NAA30: variants seen among roughly 807,000 people sequenced by gnomAD.
NAA30 encodes N-alpha-acetyltransferase 30.
In NAA30, 5 loss-of-function variants were observed where a neutral mutation model predicts 31.4. That is an observed-to-expected ratio of 0.16 (90% CI 0.08 to 0.33). The LOEUF (loss-of-function observed/expected upper bound fraction) is 0.33. NAA30 is among the 10% of genes least tolerant of loss of function. NAA30 has a pLI of 1.00. For missense variants in NAA30, 428 were observed against 490.8 expected, an observed-to-expected ratio of 0.87 and a Z score of 1.21; for synonymous variants, 222 against 207.1, an observed-to-expected ratio of 1.07 and a Z score of -0.62.
chr14:57,398,750 C>T (rs572243400), intron 3 of NAA30, among the ~76,000 whole-genome samples: 4 of 152,024 alleles, frequency 2.6e-5, no homozygotes, highest in Non-Finnish European at 4.4e-5. Context: ...TTCCTGCCTC[C>T]GCCTCCCAAG....
At chr14:57,402,892 T>C (rs2066482735) in intron 4 of NAA30, among the ~76,000 whole-genome samples, 1 of 152,180 alleles carries the variant, frequency 6.6e-6, no homozygotes, top group African/African-American at 2.4e-5. Flanking sequence ...TTAATAGAGG[T>C]ACATTTGGCC....
intron 3 of NAA30, 70 bp from the exon 4 acceptor site, chr14:57,399,758 G>A (rs1018506372): frequency 4.2e-5 from 36 of 850,166 alleles, no homozygotes; most frequent in Non-Finnish European, 6.5e-5. Context: ...CTGTGCTTAC[G>A]AATATTATAA....
In NAA30 at chr14:57,415,678, G is replaced by C. The variant is rs766884777; in HGVS notation, c.*6162G>C. On this transcript the variant is annotated 3_prime_UTR_variant, in exon 5 of 5. Transcript: ENST00000556492. ...TTGTGAACTACTCAGAGGACTCAATGCCCTAACATGTAGGGGATTGATCAT... is the reference window on the plus strand; with the variant it reads ...TTGTGAACTACTCAGAGGACTCAATCCCCTAACATGTAGGGGATTGATCAT... 6.6e-6 allele frequency: 1 copy of C among 152,148 alleles called. No homozygotes were observed. The highest frequency in any genetic ancestry group is 6.5e-5 in the Admixed American group (1 of 15,272). 9.4% of individuals were successfully genotyped at this position (152,148 alleles called of 1,614,324 possible).
chr14:57,391,509 G>T lies in NAA30; in HGVS notation c.552G>T (p.Val184=). ...AGGAGGAGGAGGAAGACGAGCAGGT[G>T]CGGCTGCTGTCTTCGTCCCTGACCG... ...EQEEEEEDEQ[V]RLLSSSLTAD... Residue 184 remains valine, a synonymous_variant, in exon 2 of 5, where the codon GTG becomes GTT. Coordinates refer to ENST00000556492, the MANE Select transcript of NAA30 (RefSeq NM_001011713.3). This position sits in a 1 kb window ranked among gnomAD's most constrained non-coding sequence, Gnocchi z 4.1. 1.2e-6 allele frequency: 2 copies of T among 1,612,914 alleles called. No individual in the cohort carries two copies. Among genetic ancestry groups the T allele is most frequent in the South Asian group, 2.2e-5 (2 of 91,070 alleles).
At chr14:57,394,498 T>C (rs969378178) in intron 2 of NAA30, among the ~76,000 whole-genome samples, 2 of 152,124 alleles carry the variant, frequency 1.3e-5, no homozygotes, top group African/African-American at 2.4e-5. Context: ...TTTGGAAAAA[T>C]TGACAAGCAA....
At chr14:57,402,075 C>T (rs1016456567) in intron 4 of NAA30, among the ~76,000 whole-genome samples, 19 of 152,140 alleles carry the variant, frequency 1.2e-4, no homozygotes, top group African/African-American at 4.1e-4. Flanking sequence ...AAAAATTTTG[C>T]TTATCTGTGT....
In NAA30 at chr14:57,397,649, G is replaced by A. The variant is rs186646885; in HGVS notation, c.895+774G>A. On this transcript the variant is annotated intron_variant, in intron 3 of 4. Coordinates refer to ENST00000556492, the MANE Select transcript of NAA30 (RefSeq NM_001011713.3). The stretch of plus-strand genomic sequence containing the variant: ...AAAACTCAATAGGCCACCAGGTGCC[G>A]GGTGCGGTGGCTCACGCCTATAATC... Among the ~76,000 whole-genome samples the A allele has an allele frequency of 3.2e-4, 48 of 152,284 alleles. No individual in the cohort carries two copies. In the East Asian group the frequency reaches 7.5e-3, roughly 24 times the overall value.
intron 4 of NAA30, among the ~76,000 whole-genome samples, chr14:57,408,918 A>G (rs1358433423): frequency 1.3e-5 from 2 of 152,342 alleles, no homozygotes; most frequent in East Asian, 3.9e-4. Context: ...GAGACTCCAG[A>G]CAAATATGGT....
At position 57,410,877 on chromosome 14, in the gene NAA30, A is replaced by G. The variant is rs2066519695; in HGVS notation, c.*1361A>G. 1 of 152,560 alleles carries G rather than the reference A, an allele frequency of 6.6e-6. No individual in the cohort carries two copies. The highest frequency in any genetic ancestry group is 6.6e-5 in the Admixed American group (1 of 15,264). The allele number at this position is 152,560 out of a possible 1,614,324, so 9.5% of individuals were successfully genotyped here. ...ATTTAACTGGAAAACCTAGGTACCCATAAGAAAAAAGATTCATTCTCTGTG... is the reference window on the plus strand; with the variant it reads ...ATTTAACTGGAAAACCTAGGTACCCGTAAGAAAAAAGATTCATTCTCTGTG... On this transcript the variant is annotated 3_prime_UTR_variant, in exon 5 of 5. Transcript: ENST00000556492.
At chr14:57,409,205 C>G (rs2066512517) in intron 4 of NAA30, among the ~76,000 whole-genome samples, 174 bp from the exon 5 acceptor site, 1 of 152,042 alleles carries the variant, frequency 6.6e-6, no homozygotes, top group Non-Finnish European at 1.5e-5. Flanking sequence ...AGCCCTTGAC[C>G]CAAATATAAT....
intron 2 of NAA30, among the ~76,000 whole-genome samples, chr14:57,396,337 A>G (rs1269054301): frequency 5.3e-5 from 8 of 152,100 alleles, no homozygotes; most frequent in Admixed American, 4.6e-4. Context: ...AAGTTTTACA[A>G]TATTTTATGT....
intron 4 of NAA30, among the ~76,000 whole-genome samples, chr14:57,403,833 A>G (rs1208111991): frequency 6.6e-6 from 1 of 152,206 alleles, no homozygotes; most frequent in Non-Finnish European, 1.5e-5. Flanking sequence ...TGTACCTAAA[A>G]TCAACCTACT....
At chr14:57,403,568 G>T (rs2066486169) in intron 4 of NAA30, among the ~76,000 whole-genome samples, 1 of 152,076 alleles carries the variant, frequency 6.6e-6, no homozygotes, top group Non-Finnish European at 1.5e-5. Flanking sequence ...CATTTTCTAT[G>T]TATTTGGAGC....
chr14:57,402,475 CTTGT>C (rs969117936), intron 4 of NAA30, among the ~76,000 whole-genome samples: 23 of 151,526 alleles, frequency 1.5e-4, no homozygotes, highest in East Asian at 7.7e-4. Context: ...CCCTCTCTCT[CTTGT>C]TTAAGTACTT....
chr14:57,407,743 C>A (rs1156638931), intron 4 of NAA30, among the ~76,000 whole-genome samples: 1 of 152,046 alleles, frequency 6.6e-6, no homozygotes, highest in Non-Finnish European at 1.5e-5. Context: ...AATCAGTAAA[C>A]GGTTTTAAGT....
chr14:57,399,542 C>G (rs1301952020), intron 3 of NAA30, among the ~76,000 whole-genome samples: 2 of 152,160 alleles, frequency 1.3e-5, no homozygotes, highest in Non-Finnish European at 2.9e-5. Context: ...CTACTGCTTT[C>G]AAACACAATA....
At chr14:57,409,252 T>C in intron 4 of NAA30, 127 bp from the exon 5 acceptor site, 1 of 775,570 alleles carries the variant, frequency 1.3e-6, no homozygotes, top group East Asian at 2.7e-5. Context: ...GTTCTTTCTG[T>C]ATATTATTTA....
rs1266728558 is a variant in NAA30, at chr14:57,411,121, A to G, written c.*1605A>G. ...TCAGTATAGTGTTTTGAAAGTGAAC[A>G]TAGTAACAAATACTTTAAAAATAAA... On this transcript the variant is annotated 3_prime_UTR_variant, in exon 5 of 5. Transcript: ENST00000556492. 2 of 151,992 alleles carry G rather than the reference A, an allele frequency of 1.3e-5. No individual in the cohort carries two copies. Among genetic ancestry groups the G allele is most frequent in the African/African-American group, 2.4e-5 (1 of 41,268 alleles). The allele number at this position is 151,992 out of a possible 1,614,324, so 9.4% of individuals were successfully genotyped here.
At chr14:57,405,659 A>G (rs902903417) in intron 4 of NAA30, among the ~76,000 whole-genome samples, 4 of 152,252 alleles carry the variant, frequency 2.6e-5, no homozygotes, top group African/African-American at 7.2e-5. Context: ...CTCTTTGTCT[A>G]TGCAACATGA....
Sources: allele counts gnomAD v4.1 joint callset (sites outside exome capture counted in the v4.1 genomes callset), GRCh38; gene constraint gnomAD v4.1.1; non-coding constraint Gnocchi (gnomAD v3.1); transcripts MANE v1.5; gene names NCBI Gene and HGNC (gene_info 2026-07-23, HGNC 2026-07-21).